Variants in CNBD1 observed in about 807,000 individuals in gnomAD.
CNBD1 encodes cyclic nucleotide binding domain containing 1.
A neutral mutation model predicts 54.4 loss-of-function variants in CNBD1; 71 were observed. The ratio of observed to expected loss-of-function variants is 1.30; its 90% CI spans 1.08 to 1.59. CNBD1 has a LOEUF of 1.59. Ranked by LOEUF, CNBD1 falls within the 40% of genes most tolerant of loss-of-function variation. The pLI is 0.00. For synonymous variants in CNBD1, 182 were observed against 170.7 expected, an observed-to-expected ratio of 1.07 and a Z score of -0.51; for missense variants, 659 against 518.0, an observed-to-expected ratio of 1.27 and a Z score of -2.64.
chr8:87,183,456 T>C (rs1176557782), intron 4 of CNBD1, among the ~76,000 whole-genome samples: 1 of 151,802 alleles, frequency 6.6e-6, no homozygotes, highest in Non-Finnish European at 1.5e-5. Flanking sequence ...ACCACTTTCT[T>C]TGGATTGAGT....
chr8:87,159,515 A>G (rs946206016), intron 4 of CNBD1, among the ~76,000 whole-genome samples: 2 of 151,936 alleles, frequency 1.3e-5, no homozygotes, highest in African/African-American at 4.8e-5. Context: ...GTGGGATAGG[A>G]TGGGAGGGGA....
At chr8:87,044,212 GTTTT>G (rs369697696) in intron 4 of CNBD1, among the ~76,000 whole-genome samples, 1 of 144,840 alleles carries the variant, frequency 6.9e-6, no homozygotes, top group Non-Finnish European at 1.5e-5. Flanking sequence ...GTTTTTGTGG[GTTTT>G]TTTTTTGTTT....
rs187421160 is a variant in CNBD1 at position 87,041,747 on chromosome 8, C to T, written c.431+101993C>T. On this transcript the variant is annotated intron_variant, in intron 4 of 10. Coordinates refer to ENST00000518476, the MANE Select transcript of CNBD1 (RefSeq NM_173538.3). ...CTGGGAGGCGGAGCTTGCAGTGAGCCAAGATCATGCCACTGCACTCCAGCC... is the reference window on the plus strand; with the variant it reads ...CTGGGAGGCGGAGCTTGCAGTGAGCTAAGATCATGCCACTGCACTCCAGCC... Among the ~76,000 whole-genome samples the T allele has an allele frequency of 3.3e-5, 5 of 152,182 alleles. No homozygotes were observed. In the East Asian group the frequency reaches 5.8e-4, roughly 18 times the overall value.
chr8:86,958,793 A>T (rs562650493), intron 4 of CNBD1, among the ~76,000 whole-genome samples: 1 of 152,060 alleles, frequency 6.6e-6, no homozygotes, highest in Non-Finnish European at 1.5e-5. Flanking sequence ...ATTTGTCAGT[A>T]TGTGTCTTTT....
At chr8:86,915,441 G>C (rs771949125) in intron 3 of CNBD1, among the ~76,000 whole-genome samples, 1 of 152,152 alleles carries the variant, frequency 6.6e-6, no homozygotes, top group Non-Finnish European at 1.5e-5. Context: ...TAGGTTTGTG[G>C]TCTCCCATTA....
intron 3 of CNBD1, among the ~76,000 whole-genome samples, chr8:86,925,902 A>C (rs1466766506): frequency 6.6e-6 from 1 of 151,958 alleles, no homozygotes; most frequent in East Asian, 1.9e-4. Context: ...CCAAAGAGGG[A>C]GTGGTAGCAA....
At chr8:87,259,154 C>G (rs1042823388) in intron 6 of CNBD1, among the ~76,000 whole-genome samples, 2 of 152,128 alleles carry the variant, frequency 1.3e-5, no homozygotes, top group Non-Finnish European at 2.9e-5. Flanking sequence ...TAAATCCTTT[C>G]ACAACTTATA....
At chr8:87,426,714 G>A (rs1163324019) in intron 2 of CNBD1, among the ~76,000 whole-genome samples, 1 of 152,114 alleles carries the variant, frequency 6.6e-6, no homozygotes, top group East Asian at 1.9e-4. Flanking sequence ...TGAAATAACG[G>A]CAATTGCAGA....
At chr8:87,048,993 C>G (rs1810257993) in intron 4 of CNBD1, among the ~76,000 whole-genome samples, 1 of 152,186 alleles carries the variant, frequency 6.6e-6, no homozygotes, top group Non-Finnish European at 1.5e-5. Context: ...GGCAAGTGGA[C>G]TTTACTGTGC....
intron 6 of CNBD1, among the ~76,000 whole-genome samples, chr8:87,266,609 C>G (rs1434825631): frequency 1.3e-5 from 2 of 151,300 alleles, no homozygotes; most frequent in Non-Finnish European, 2.9e-5. Context: ...GTGCCACCAC[C>G]CCGGCTAATT....
At chr8:87,419,681 T>G (rs191203849) in intron 2 of CNBD1, among the ~76,000 whole-genome samples, 2 of 151,860 alleles carry the variant, frequency 1.3e-5, no homozygotes, top group African/African-American at 4.8e-5. Context: ...CAATGTGAAA[T>G]AGAGTATGTG....
At chr8:87,079,275 T>C (rs751189354) in intron 4 of CNBD1, among the ~76,000 whole-genome samples, 1 of 152,148 alleles carries the variant, frequency 6.6e-6, no homozygotes, top group Non-Finnish European at 1.5e-5. Context: ...ATTTCAATTT[T>C]GGATAGTGAA....
chr8:87,179,017 C>T (rs144629661), intron 4 of CNBD1, among the ~76,000 whole-genome samples: 1 of 152,234 alleles, frequency 6.6e-6, no homozygotes, highest in East Asian at 1.9e-4. Context: ...AAGCGATTCT[C>T]CTGCCTCAGC....
chr8:87,201,990 G>T (rs966547834), intron 4 of CNBD1, among the ~76,000 whole-genome samples: 1 of 152,120 alleles, frequency 6.6e-6, no homozygotes, highest in Non-Finnish European at 1.5e-5. Context: ...TAGTTTGTTT[G>T]ATAGAAGTTC....
intron 2 of CNBD1, among the ~76,000 whole-genome samples, chr8:87,393,926 A>G (rs1260288708): frequency 1.3e-5 from 2 of 151,880 alleles, no homozygotes; most frequent in Admixed American, 1.3e-4. Context: ...GTGAATAAAA[A>G]AACACTATCC....
chr8:86,931,774 T>C (rs11778111), intron 3 of CNBD1, among the ~76,000 whole-genome samples: 72,540 of 151,966 alleles, frequency 0.48, 18,314 homozygotes, highest in South Asian at 0.6. Flanking sequence ...AATAAGCTTA[T>C]CTTTTAGGAT....
intron 4 of CNBD1, among the ~76,000 whole-genome samples, chr8:86,976,649 T>C (rs1210482966): frequency 6.6e-6 from 1 of 152,036 alleles, no homozygotes; most frequent in Non-Finnish European, 1.5e-5. Flanking sequence ...CTCACAATAT[T>C]AATTCTTCCC....
intron 4 of CNBD1, among the ~76,000 whole-genome samples, chr8:86,945,912 T>A (rs1291941211): frequency 6.6e-6 from 1 of 152,226 alleles, no homozygotes; most frequent in African/African-American, 2.4e-5. Flanking sequence ...ACATTTGGGA[T>A]GTACATGTTG....
chr8:86,943,730 AAGC>A (rs1807394267), intron 4 of CNBD1, among the ~76,000 whole-genome samples: 1 of 152,090 alleles, frequency 6.6e-6, no homozygotes, highest in African/African-American at 2.4e-5. Flanking sequence ...GATTGAATAT[AAGC>A]TTATCATGTG....
Sources: gnomAD v4.1 joint callset for allele counts (sites outside exome capture counted in the v4.1 genomes callset) on GRCh38, gnomAD v4.1.1 for gene constraint, MANE v1.5 for transcripts, NCBI Gene and HGNC (gene_info 2026-07-23, HGNC 2026-07-21) for gene names.